The following DCLK2 variants were observed in gnomAD, a reference collection of about 807,000 sequenced individuals.
DCLK2 encodes doublecortin like kinase 2, also known as serine/threonine-protein kinase DCLK2.
Under a neutral mutation model 78.4 loss-of-function variants are expected in DCLK2, and 31 were observed. That is an observed-to-expected ratio of 0.40 (90% CI 0.30 to 0.53). The LOEUF (loss-of-function observed/expected upper bound fraction) is 0.53, where lower values mean the gene tolerates loss of function less well. Ranked by LOEUF, DCLK2 falls within the 20% of genes least tolerant of loss-of-function variation. The probability of loss-of-function intolerance (pLI) is 0.61; values close to 1 mark genes in which losing one functional copy is unlikely to be tolerated. For missense variants in DCLK2, 872 were observed against 973.7 expected (o/e 0.90, Z 1.39); for synonymous variants, 407 against 374.9 (o/e 1.09, Z -0.99).
chr4:150,098,830 G>A (rs1448597109), intron 1 of DCLK2, among the ~76,000 whole-genome samples: 3 of 151,652 alleles, frequency 2.0e-5, no homozygotes, highest in Non-Finnish European at 4.4e-5. Flanking sequence ...TGAGTAGCTG[G>A]GATTACAGGC....
chr4:150,200,776 A>G (rs936672746), intron 4 of DCLK2, among the ~76,000 whole-genome samples: 6 of 152,084 alleles, frequency 3.9e-5, no homozygotes, highest in Admixed American at 3.3e-4. Flanking sequence ...CTTCAACAAA[A>G]CTCTGTCAGA....
chr4:150,244,581 T>G (rs1460887639), intron 12 of DCLK2, among the ~76,000 whole-genome samples: 1 of 152,250 alleles, frequency 6.6e-6, no homozygotes, highest in Non-Finnish European at 1.5e-5. Flanking sequence ...TACGGCACCT[T>G]GGTCCAAAGG....
chr4:150,144,756 A>T (rs1734343495), intron 2 of DCLK2, among the ~76,000 whole-genome samples: 1 of 152,016 alleles, frequency 6.6e-6, no homozygotes, highest in Admixed American at 6.6e-5. Context: ...CTGCATTTTT[A>T]AAAAGATTAT....
At chr4:150,183,394 A>G (rs954651504) in intron 2 of DCLK2, among the ~76,000 whole-genome samples, 3 of 152,216 alleles carry the variant, frequency 2.0e-5, no homozygotes, top group African/African-American at 7.2e-5. Flanking sequence ...GTTTTTCTCA[A>G]ATCATCCTGA....
At chr4:150,096,721 A>G (rs945170312) in intron 1 of DCLK2, among the ~76,000 whole-genome samples, 2 of 152,208 alleles carry the variant, frequency 1.3e-5, no homozygotes, top group African/African-American at 4.8e-5. Flanking sequence ...TGTGCTTTGC[A>G]TTTGGCAGTT....
chr4:150,222,594 C>G (rs747915994), intron 7 of DCLK2, among the ~76,000 whole-genome samples: 9 of 152,044 alleles, frequency 5.9e-5, no homozygotes, highest in Non-Finnish European at 1.0e-4. Context: ...ACCTGTAATC[C>G]CAGCACTTTG....
chr4:150,250,298 C>A (rs182004383), intron 15 of DCLK2, among the ~76,000 whole-genome samples: 2 of 152,176 alleles, frequency 1.3e-5, no homozygotes, highest in East Asian at 3.9e-4. Flanking sequence ...TAAGGCAACT[C>A]TCCTAAATAC....
chr4:150,146,050 T>TG (rs1734445207), intron 2 of DCLK2, among the ~76,000 whole-genome samples: 1 of 152,240 alleles, frequency 6.6e-6, no homozygotes, highest in Non-Finnish European at 1.5e-5. Context: ...CCTAGCCTCC[T>TG]GTTCATCTTT....
intron 2 of DCLK2, among the ~76,000 whole-genome samples, chr4:150,163,919 G>A (rs1735883405): frequency 6.6e-6 from 1 of 152,198 alleles, no homozygotes; most frequent in South Asian, 2.1e-4. Flanking sequence ...GTTAAGGACA[G>A]TACCAACCCT....
intron 12 of DCLK2, among the ~76,000 whole-genome samples, chr4:150,242,636 T>C (rs1173578119): frequency 6.6e-6 from 1 of 152,134 alleles, no homozygotes; most frequent in Non-Finnish European, 1.5e-5. Context: ...GGCCCTGTGC[T>C]TTCATCATGC....
At chr4:150,104,423 A>AAAAAAAAAAC (rs1553954755) in intron 2 of DCLK2, among the ~76,000 whole-genome samples, 1 of 141,038 alleles carries the variant, frequency 7.1e-6, no homozygotes, top group Non-Finnish European at 1.6e-5. Flanking sequence ...AAAAAAAAAA[A>AAAAAAAAAAC]TCGAGCATCT....
At chr4:150,212,405 A>G (rs1740386161) in intron 5 of DCLK2, among the ~76,000 whole-genome samples, 1 of 152,222 alleles carries the variant, frequency 6.6e-6, no homozygotes, top group Non-Finnish European at 1.5e-5. Flanking sequence ...AATCCACAGT[A>G]GCTGCTGACC....
At chr4:150,085,254 G>A (rs2150131548) in intron 1 of DCLK2, among the ~76,000 whole-genome samples, 1 of 152,170 alleles carries the variant, frequency 6.6e-6, no homozygotes, top group South Asian at 2.1e-4. Flanking sequence ...GTCTTTGGGA[G>A]GTGTCTTGGT....
intron 5 of DCLK2, among the ~76,000 whole-genome samples, chr4:150,214,953 C>CA (rs60156550): frequency 0.34 from 28,974 of 86,092 alleles, 4,007 homozygotes; most frequent in Non-Finnish European, 0.42. Context: ...CAGAGTGTCT[C>CA]AAAAAAAAAA....
At chr4:150,138,599 C>T (rs1385753153) in intron 2 of DCLK2, among the ~76,000 whole-genome samples, 2 of 152,208 alleles carry the variant, frequency 1.3e-5, no homozygotes, top group Non-Finnish European at 2.9e-5. Flanking sequence ...AGGCACTGTG[C>T]CAAGTTAAGA....
chr4:150,130,915 C>T (rs1251178848), intron 2 of DCLK2, among the ~76,000 whole-genome samples: 5 of 152,086 alleles, frequency 3.3e-5, no homozygotes, highest in African/African-American at 1.2e-4. Flanking sequence ...TAGCTGGCTA[C>T]AGGTCCTAGC....
chr4:150,114,040 A>G (rs979614637), intron 2 of DCLK2, among the ~76,000 whole-genome samples: 1 of 152,224 alleles, frequency 6.6e-6, no homozygotes, highest in Admixed American at 6.5e-5. Flanking sequence ...ATTTCTGTGT[A>G]TTTGTATAGT....
At chr4:150,155,169 T>C (rs1163798222) in intron 2 of DCLK2, among the ~76,000 whole-genome samples, 1 of 152,206 alleles carries the variant, frequency 6.6e-6, no homozygotes, top group Non-Finnish European at 1.5e-5. Flanking sequence ...AGGCAAAGCT[T>C]GCAGTGAGCC....
intron 15 of DCLK2, among the ~76,000 whole-genome samples, chr4:150,255,740 GA>G (rs1180984066): frequency 6.6e-6 from 1 of 152,164 alleles, no homozygotes; most frequent in Non-Finnish European, 1.5e-5. Flanking sequence ...GAAGGGGTGA[GA>G]ACCCAGGCAC....
Sources: gnomAD v4.1 joint callset for allele counts (sites outside exome capture counted in the v4.1 genomes callset) on GRCh38, gnomAD v4.1.1 for gene constraint, MANE v1.5 for transcripts, NCBI Gene and HGNC (gene_info 2026-07-23, HGNC 2026-07-21) for gene names.